Variants in ANKS1B observed in about 807,000 individuals in gnomAD.
ANKS1B encodes ankyrin repeat and sterile alpha motif domain-containing protein 1B.
ANKS1B carries 36 observed loss-of-function variants against 148.3 expected under a neutral mutation model. The observed-to-expected ratio is 0.24, with a 90% CI of 0.19 to 0.32. ANKS1B has a LOEUF of 0.32. ANKS1B is among the 10% of genes least tolerant of loss of function. The pLI is 1.00. For missense variants in ANKS1B, 1,157 were observed against 1,542.6 expected (o/e 0.75, Z 4.19); for synonymous variants, 542 against 560.8 (o/e 0.97, Z 0.47).
Position 99,756,650 on chromosome 12 carries a change from G to A in ANKS1B, c.1128+16272C>T, listed in dbSNP as rs1203860930. Among the ~76,000 whole-genome samples the A allele has an allele frequency of 2.0e-5, 3 of 152,030 alleles. 1 individual carries two copies. The highest frequency in any genetic ancestry group is 4.4e-5 in the Non-Finnish European group (3 of 68,006). On this transcript the variant is annotated intron_variant, in intron 8 of 26. Transcript: ENST00000683438. Reference sequence around the variant, plus strand: ...TCTAAGCAAAAAGAACAAAGCTGGAGGCATCATGCTACCCAATTTCAAACT... The same window carrying A: ...TCTAAGCAAAAAGAACAAAGCTGGAAGCATCATGCTACCCAATTTCAAACT...
At chr12:99,297,768 T>C (rs1373758188) in intron 12 of ANKS1B, among the ~76,000 whole-genome samples, 8 of 152,170 alleles carry the variant, frequency 5.3e-5, no homozygotes, top group Non-Finnish European at 1.0e-4. Context: ...TCTAGTGTTC[T>C]ATTATTAGCC....
rs1165303136 is a variant in ANKS1B, at chr12:99,626,545, T to C, written c.1272+28522A>G. 3.9e-5 allele frequency among the ~76,000 whole-genome samples: 6 copies of C among 152,316 alleles called. No homozygotes were observed. The East Asian group carries it at 7.7e-4, about 20-fold the overall frequency. ...CCCTCTAATCATTGCTTACCTGTTCTTTCCTCTCCATCTTTACTTGTTCTC... is the reference window on the plus strand; with the variant it reads ...CCCTCTAATCATTGCTTACCTGTTCCTTCCTCTCCATCTTTACTTGTTCTC... On this transcript the variant is annotated intron_variant, in intron 9 of 26. Coordinates refer to ENST00000683438, the MANE Select transcript of ANKS1B (RefSeq NM_001352186.2).
At chr12:99,564,290 T>C (rs1330402114) in intron 9 of ANKS1B, among the ~76,000 whole-genome samples, 1 of 152,080 alleles carries the variant, frequency 6.6e-6, no homozygotes, top group Non-Finnish European at 1.5e-5. Flanking sequence ...AGAACAGGTA[T>C]ATAATTTTTA....
chr12:99,443,783 T>C lies in ANKS1B; in HGVS notation c.1465A>G (p.Thr489Ala). 1.9e-6 allele frequency: 3 copies of C among 1,610,750 alleles called. No individual in the cohort carries two copies. Among genetic ancestry groups the C allele is most frequent in the Non-Finnish European group, 1.7e-6 (2 of 1,178,076 alleles). ...TDNASEVAVT[T>A]PGTSNHRNSS... ...TTTCTATGGTTACTAGTTCCTGGAG[T>C]AGTAACTGCTACCTCAGAGGCATTA... Residue 489 changes from threonine (T) to alanine (A), a missense_variant, in exon 11 of 27, where the codon ACT (threonine) becomes GCT (alanine). Thr to Ala is a moderately conservative substitution (Grantham distance 58, BLOSUM62 0). Around this residue, in one of 6 missense-constraint regions of ANKS1B, gnomAD observed 661 missense variants for 642.1 expected, o/e 1.03. Transcript: ENST00000683438.
chr12:99,156,412 T>A (rs2076058211), intron 14 of ANKS1B, among the ~76,000 whole-genome samples: 1 of 152,206 alleles, frequency 6.6e-6, no homozygotes, highest in Admixed American at 6.5e-5. Flanking sequence ...TAAGACACAG[T>A]TTTGATTACT....
intron 1 of ANKS1B, among the ~76,000 whole-genome samples, chr12:99,852,261 T>C (rs1232986108): frequency 6.6e-6 from 1 of 152,202 alleles, no homozygotes. Context: ...TAAGCTAACC[T>C]GACACTTATG....
At chr12:99,564,942 CTG>C (rs1471642873) in intron 9 of ANKS1B, among the ~76,000 whole-genome samples, 1 of 152,046 alleles carries the variant, frequency 6.6e-6, no homozygotes, top group Admixed American at 6.6e-5. Flanking sequence ...AAATATATAA[CTG>C]TAAAATTTAA....
chr12:99,371,193 T>G (rs535459507), intron 12 of ANKS1B, among the ~76,000 whole-genome samples: 2 of 152,254 alleles, frequency 1.3e-5, no homozygotes, highest in African/African-American at 4.8e-5. Context: ...TCCTAATCTA[T>G]TTCTTCATTA....
At chr12:99,475,772 A>G (rs1321697258) in intron 10 of ANKS1B, among the ~76,000 whole-genome samples, 1 of 151,974 alleles carries the variant, frequency 6.6e-6, no homozygotes, top group African/African-American at 2.4e-5. Context: ...AATTACATTA[A>G]TCAGTCATAT....
chr12:98,994,419 C>T (rs2099928359), intron 17 of ANKS1B, among the ~76,000 whole-genome samples: 1 of 152,076 alleles, frequency 6.6e-6, no homozygotes, highest in Non-Finnish European at 1.5e-5. Flanking sequence ...AGCTCAATAC[C>T]AGCCTGGCCC....
At chr12:99,516,896 T>C (rs2096826921) in intron 9 of ANKS1B, among the ~76,000 whole-genome samples, 1 of 152,162 alleles carries the variant, frequency 6.6e-6, no homozygotes, top group Non-Finnish European at 1.5e-5. Flanking sequence ...TGCAGTACTA[T>C]GCTGTTTTGG....
rs982047433 is a variant in ANKS1B at position 99,578,389 on chromosome 12, A to G, written c.1273-73748T>C. Among the ~76,000 whole-genome samples, 7 of 152,284 alleles carry G rather than the reference A, an allele frequency of 4.6e-5. No homozygotes were observed. In the South Asian group the frequency reaches 1.0e-3, roughly 23 times the overall value. ...CAGGCAAGAGAAAGAAATAAAAGAC[A>G]TCCAAATAAAAGGAGAGGAAGTCAA... On this transcript the variant is annotated intron_variant, in intron 9 of 26. Coordinates refer to ENST00000683438, the MANE Select transcript of ANKS1B (RefSeq NM_001352186.2).
intron 19 of ANKS1B, among the ~76,000 whole-genome samples, chr12:98,812,511 C>A (rs1248540119): frequency 2.0e-5 from 3 of 152,212 alleles, no homozygotes; most frequent in East Asian, 3.8e-4. Context: ...CGTGTCAGTG[C>A]AAGTGGTAAA....
intron 2 of ANKS1B, among the ~76,000 whole-genome samples, chr12:99,812,550 CACACACACAGAG>C (rs746684818): frequency 0.03 from 2,849 of 95,704 alleles, 59 homozygotes; most frequent in African/African-American, 0.072. Context: ...CACACACACA[CACACACACAGAG>C]AGAGAGAGAG....
intron 1 of ANKS1B, among the ~76,000 whole-genome samples, chr12:99,983,331 G>A (rs1014416677): frequency 2.6e-5 from 4 of 152,156 alleles, no homozygotes; most frequent in African/African-American, 9.7e-5. Context: ...AGGTACTGCT[G>A]AATGAAGACC....
chr12:99,252,658 A>T (rs2074758097), intron 12 of ANKS1B, among the ~76,000 whole-genome samples: 1 of 152,160 alleles, frequency 6.6e-6, no homozygotes, highest in Non-Finnish European at 1.5e-5. Context: ...GGAACCCAGA[A>T]ATTGCCATCA....
chr12:99,951,859 C>T (rs7963740), intron 1 of ANKS1B, among the ~76,000 whole-genome samples: 32,153 of 151,926 alleles, frequency 0.21, 3,613 homozygotes, highest in Middle Eastern at 0.24. Context: ...GCACTCTAGC[C>T]AAGGAGACAG....
chr12:99,881,017 A>G (rs2092446040), intron 1 of ANKS1B, among the ~76,000 whole-genome samples: 2 of 152,232 alleles, frequency 1.3e-5, no homozygotes, highest in South Asian at 4.1e-4. Context: ...TGAGGGCTCC[A>G]AAGAGTAAAG....
intron 9 of ANKS1B, among the ~76,000 whole-genome samples, chr12:99,556,446 G>T (rs2097277251): frequency 6.6e-6 from 1 of 151,868 alleles, no homozygotes; most frequent in Non-Finnish European, 1.5e-5. Context: ...ATTTCATTCA[G>T]TTCAGCTTTG....
Sources: allele counts gnomAD v4.1 joint callset (sites outside exome capture counted in the v4.1 genomes callset), GRCh38; gene constraint gnomAD v4.1.1; regional missense constraint gnomAD v4.1.1; transcripts MANE v1.5; gene names NCBI Gene and HGNC (gene_info 2026-07-23, HGNC 2026-07-21).